The following COX6C variants were observed in gnomAD, a reference collection of about 807,000 sequenced individuals.
COX6C encodes cytochrome c oxidase polypeptide VIc.
In COX6C, 3 loss-of-function variants were observed where a neutral mutation model predicts 6.9. The observed-to-expected ratio is 0.43, with a 90% confidence interval of 0.20 to 1.12. COX6C has a LOEUF of 1.12. Among genes scored for constraint, COX6C ranks in the 50% most tolerant of loss-of-function variants. The pLI, the probability that COX6C is intolerant of heterozygous loss-of-function variation, is 0.27. For missense variants in COX6C, 101 were observed against 97.3 expected (o/e 1.04, Z -0.16); for synonymous variants, 32 against 32.0 (o/e 1.00, Z 0.00).
intron 3 of COX6C, among the ~76,000 whole-genome samples, chr8:99,881,048 A>C (rs1377585352): frequency 1.3e-5 from 2 of 152,164 alleles, no homozygotes; most frequent in Non-Finnish European, 2.9e-5. Flanking sequence ...CTGGCAAAGA[A>C]CATAGAAGCT....
At chr8:99,885,810 A>G (rs1206075958) in intron 3 of COX6C, among the ~76,000 whole-genome samples, 1 of 152,234 alleles carries the variant, frequency 6.6e-6, no homozygotes, top group Admixed American at 6.5e-5. Context: ...TCTGTGCATC[A>G]AGGGACACAA....
intron 3 of COX6C, among the ~76,000 whole-genome samples, chr8:99,882,324 A>G (rs1451296312): frequency 6.6e-6 from 1 of 152,266 alleles, no homozygotes; most frequent in Non-Finnish European, 1.5e-5. Context: ...ACCATATGTT[A>G]GGTCACAAAA....
At chr8:99,884,309 T>C (rs1817911009) in intron 3 of COX6C, among the ~76,000 whole-genome samples, 1 of 152,176 alleles carries the variant, frequency 6.6e-6, no homozygotes, top group South Asian at 2.1e-4. Context: ...ATCAGCTCTT[T>C]CTACACACCA....
At chr8:99,887,933 G>A (rs2131008289) in intron 2 of COX6C, among the ~76,000 whole-genome samples, 1 of 151,790 alleles carries the variant, frequency 6.6e-6, no homozygotes, top group Admixed American at 6.6e-5. Context: ...AAGTTTAAGT[G>A]ACTTATTATT....
intron 3 of COX6C, among the ~76,000 whole-genome samples, chr8:99,881,082 A>G (rs528788644): frequency 1.3e-5 from 2 of 152,248 alleles, no homozygotes; most frequent in South Asian, 4.2e-4. Context: ...GGTTTGTGCC[A>G]GGTACAGTGG....
intron 3 of COX6C, among the ~76,000 whole-genome samples, chr8:99,880,691 A>AC (rs1233985465): frequency 6.6e-6 from 1 of 151,938 alleles, no homozygotes; most frequent in Non-Finnish European, 1.5e-5. Flanking sequence ...ACATGGTGAG[A>AC]CCCCATCTCT....
intron 3 of COX6C, among the ~76,000 whole-genome samples, chr8:99,883,367 C>T (rs936355406): frequency 2.6e-5 from 4 of 151,796 alleles, no homozygotes; most frequent in African/African-American, 9.7e-5. Context: ...GCATGTACCA[C>T]CACACCCAGC....
intron 2 of COX6C, among the ~76,000 whole-genome samples, chr8:99,888,398 C>T (rs183750042): frequency 8.4e-4 from 127 of 151,992 alleles, no homozygotes; most frequent in Non-Finnish European, 3.7e-4. Context: ...TGATGAAACC[C>T]CATCTCTACT....
chr8:99,881,308 C>A (rs1208268324), intron 3 of COX6C, among the ~76,000 whole-genome samples: 1 of 151,148 alleles, frequency 6.6e-6, no homozygotes, highest in Non-Finnish European at 1.5e-5. Flanking sequence ...TGCAGTGAGC[C>A]GAGATTGCAT....
In COX6C at chr8:99,891,964, G is replaced by C. The variant is rs1818059978; in HGVS notation, c.58C>G (p.Arg20Gly). ...ACGAATGCTACAGCCATATGATTTC[G>C]CAGACGCCTGGCCAGAAGGCCACGC... ...RMRGLLARRL[R>G]NHMAVAFVLS... is the part of the protein sequence containing the mutation. Residue 20 changes from arginine to glycine, a missense_variant, in exon 2 of 4, where the codon CGA (arginine) becomes GGA (glycine). Arg to Gly is a moderately radical substitution (Grantham distance 125, BLOSUM62 -2). Transcript: ENST00000520468. 2 of 1,613,886 alleles carry C rather than the reference G, an allele frequency of 1.2e-6. No individual in the cohort carries two copies. Among genetic ancestry groups the C allele is most frequent in the Admixed American group, 1.7e-5 (1 of 59,970 alleles).
intron 3 of COX6C, among the ~76,000 whole-genome samples, chr8:99,880,858 T>A (rs901430161): frequency 6.6e-6 from 1 of 151,948 alleles, no homozygotes; most frequent in African/African-American, 2.4e-5. Flanking sequence ...ACCTGTCAAT[T>A]GAGAATAATA....
At chr8:99,879,452 C>G (rs1235744390) in intron 3 of COX6C, among the ~76,000 whole-genome samples, 1 of 152,116 alleles carries the variant, frequency 6.6e-6, no homozygotes, top group Non-Finnish European at 1.5e-5. Context: ...TGATTTTGAA[C>G]ATAAAAAGTA....
At chr8:99,888,105 TAAAA>T (rs1189294212) in intron 2 of COX6C, among the ~76,000 whole-genome samples, 3 of 130,966 alleles carry the variant, frequency 2.3e-5, no homozygotes, top group African/African-American at 8.3e-5. Context: ...AAATAAAAAA[TAAAA>T]AAAAATAAAA....
chr8:99,883,211 G>T (rs79885293), intron 3 of COX6C, among the ~76,000 whole-genome samples: 53 of 152,110 alleles, frequency 3.5e-4, no homozygotes, highest in Non-Finnish European at 3.2e-4. Flanking sequence ...ACCATATGGT[G>T]AATCCTACCA....
chr8:99,883,337 C>T (rs953447507), intron 3 of COX6C, among the ~76,000 whole-genome samples: 2 of 151,806 alleles, frequency 1.3e-5, no homozygotes, highest in Non-Finnish European at 2.9e-5. Context: ...CCTCAGCCTC[C>T]CAAGTAACTG....
chr8:99,893,355 C>G (rs927044420), intron 1 of COX6C: 9 of 152,266 alleles, frequency 5.9e-5, no homozygotes, highest in African/African-American at 1.9e-4. Flanking sequence ...GCAGCGGGTA[C>G]CAGCCCCGGG....
chr8:99,892,831 T>C (rs528619743), intron 1 of COX6C, among the ~76,000 whole-genome samples: 35 of 152,294 alleles, frequency 2.3e-4, no homozygotes, highest in African/African-American at 5.3e-4. Flanking sequence ...TGCAAACCCA[T>C]TTATGCAACA....
At chr8:99,887,376 C>G (rs1204455897) in intron 3 of COX6C, 114 bp downstream of exon 3, 1 of 536,434 alleles carries the variant, frequency 1.9e-6, no homozygotes, top group Non-Finnish European at 3.2e-6. Flanking sequence ...CACTTCCACA[C>G]CATCGTAAAG....
Position 99,889,908 on chromosome 8 carries a change from G to A in COX6C, c.114+2000C>T, listed in dbSNP as rs541252714. On this transcript the variant is annotated intron_variant, in intron 2 of 3. Transcript: ENST00000520468. Reference sequence around the variant, plus strand: ...GATGGGAGACCATCCTGGCTAACACGGTGAAACCCCGTCTCTACTAAAAAA... The same window carrying A: ...GATGGGAGACCATCCTGGCTAACACAGTGAAACCCCGTCTCTACTAAAAAA... Among the ~76,000 whole-genome samples, 7 of 151,716 alleles carry A rather than the reference G, an allele frequency of 4.6e-5. No homozygotes were observed. The East Asian group carries it at 8.0e-4, about 17-fold the overall frequency.
Sources: allele counts gnomAD v4.1 joint callset (sites outside exome capture counted in the v4.1 genomes callset), GRCh38; gene constraint gnomAD v4.1.1; transcripts MANE v1.5; gene names NCBI Gene and HGNC (gene_info 2026-07-23, HGNC 2026-07-21).